PROZ: variants seen among roughly 807,000 people sequenced by gnomAD.
PROZ encodes vitamin K-dependent protein Z.
A neutral mutation model predicts 34.9 loss-of-function variants in PROZ; 46 were observed. The observed-to-expected ratio is 1.32, with a 90% CI of 1.04 to 1.69. The LOEUF is 1.69. Ranked by LOEUF, PROZ falls within the 40% of genes most tolerant of loss-of-function variation. PROZ has a pLI of 0.00. For synonymous variants in PROZ, 195 were observed against 208.5 expected, an observed-to-expected ratio of 0.94 and a Z score of 0.56; for missense variants, 530 against 520.4, an observed-to-expected ratio of 1.02 and a Z score of -0.18.
At chr13:113,165,259 C>A (rs905483927) in intron 6 of PROZ, 139 bp downstream of exon 6, 2 of 796,078 alleles carry the variant, frequency 2.5e-6, no homozygotes, top group East Asian at 2.7e-5. Context: ...TGACCAACCT[C>A]TATTCACACT....
In PROZ at chr13:113,159,631, G is replaced by A. The variant is rs1173544811; in HGVS notation, c.71-383G>A. ...ATCAAGATGTTAAATGCTGCGCACA[G>A]AGGCAGCACAGGAGCTGATGGCTCT... On this transcript the variant is annotated intron_variant, in intron 1 of 7. Transcript: ENST00000375547. The surrounding 1 kb of genome is among the most constrained non-coding windows in gnomAD (Gnocchi z 4.6). Among the ~76,000 whole-genome samples the A allele has an allele frequency of 6.6e-6, 1 of 152,232 alleles. No homozygotes were observed.
At chr13:113,163,943 A>G (rs1215355782) in intron 4 of PROZ, among the ~76,000 whole-genome samples, 1 of 150,972 alleles carries the variant, frequency 6.6e-6, no homozygotes, top group Non-Finnish European at 1.5e-5. Context: ...AAGGACAAAT[A>G]GAAGTGTCAT....
chr13:113,172,225 C>G lies in PROZ; in HGVS notation c.*120C>G. On this transcript the variant is annotated 3_prime_UTR_variant, in exon 8 of 8. Coordinates refer to ENST00000375547, the MANE Select transcript of PROZ (RefSeq NM_003891.3). The stretch of plus-strand genomic sequence containing the variant: ...CTGAGAGGCCGTCACAGCCCCAGAC[C>G]ACCCGCTTGGCCCACGCAGCAGCAG... 7.1e-7 allele frequency: 1 copy of G among 1,408,492 alleles called. No homozygotes were observed. The highest frequency in any genetic ancestry group is 2.5e-5 in the East Asian group (1 of 40,482). The allele number at this position is 1,408,492 out of a possible 1,614,324, so 87.2% of individuals were successfully genotyped here. A position where few individuals can be genotyped will look rare whatever the true frequency, so the allele number is the denominator to read the frequency against.
In PROZ at chr13:113,171,680, A is replaced by T; in HGVS notation, c.778A>T (p.Asn260Tyr). 6.2e-7 allele frequency: 1 copy of T among 1,613,952 alleles called. No individual in the cohort carries two copies. The highest frequency in any genetic ancestry group is 8.5e-7 in the Non-Finnish European group (1 of 1,179,994). The change falls in exon 8 of 8, where the codon AAT becomes TAT. Residue 260 changes from asparagine to tyrosine, a missense_variant. Coordinates refer to ENST00000375547, the MANE Select transcript of PROZ (RefSeq NM_003891.3). This position sits in a 1 kb window ranked among gnomAD's most constrained non-coding sequence, Gnocchi z 5.1. ...HMRYDADAGE[N>Y]DLSLLELEWP... ...GCGGTATGACGCGGACGCGGGGGAG[A>T]ATGACCTGTCACTGCTGGAGCTGGA...
intron 4 of PROZ, among the ~76,000 whole-genome samples, chr13:113,164,127 G>C (rs1483952423): frequency 6.6e-6 from 1 of 151,810 alleles, no homozygotes; most frequent in Non-Finnish European, 1.5e-5. Context: ...CTACAGGCAC[G>C]CGCCACCACG....
intron 2 of PROZ, among the ~76,000 whole-genome samples, chr13:113,160,660 G>T (rs895770332): frequency 6.6e-6 from 1 of 152,200 alleles, no homozygotes; most frequent in African/African-American, 2.4e-5. Context: ...GAAGGGCCAC[G>T]TTAGGGGCTG....
intron 6 of PROZ, among the ~76,000 whole-genome samples, chr13:113,167,628 ATCT>A (rs2036978710): frequency 1.3e-5 from 2 of 152,156 alleles, no homozygotes; most frequent in South Asian, 4.1e-4. Flanking sequence ...TCTTTTTCCA[ATCT>A]TCTACTTTTA....
At chr13:113,160,303 A>C in intron 2 of PROZ, 126 bp downstream of exon 2, 1 of 1,221,594 alleles carries the variant, frequency 8.2e-7, no homozygotes, top group South Asian at 1.2e-5. Context: ...AGGTTGACAC[A>C]ATCCCAGTTT....
At chr13:113,167,334 A>T (rs2036968438) in intron 6 of PROZ, among the ~76,000 whole-genome samples, 1 of 152,226 alleles carries the variant, frequency 6.6e-6, no homozygotes, top group South Asian at 2.1e-4. Flanking sequence ...GCTATTATTC[A>T]TAAACACATG....
Position 113,172,061 on chromosome 13 carries a change from A to G in PROZ, c.1159A>G (p.Lys387Glu), listed in dbSNP as rs979713183. 4 of 1,612,918 alleles carry G rather than the reference A, an allele frequency of 2.5e-6. No individual in the cohort carries two copies. The African/African-American group carries it at 4.0e-5, about 16-fold the overall frequency. Reference sequence around the variant, plus strand: ...GCAGGCTCACATGGTCCTTGTCACCAAGGTCTCCAGGTACTCACTCTGGTT... The same window carrying G: ...GCAGGCTCACATGGTCCTTGTCACCGAGGTCTCCAGGTACTCACTCTGGTT... ...GGQAHMVLVTKVSRYSLWFKQ... is the reference protein window; with the variant it reads ...GGQAHMVLVTEVSRYSLWFKQ... Residue 387 changes from lysine to glutamate, a missense_variant, in exon 8 of 8, where the codon AAG (lysine) becomes GAG (glutamate). Physicochemically the swap from Lys to Glu is moderately conservative, Grantham distance 56. Coordinates refer to ENST00000375547, the MANE Select transcript of PROZ (RefSeq NM_003891.3).
intron 6 of PROZ, among the ~76,000 whole-genome samples, chr13:113,167,189 G>A (rs1392494832): frequency 6.6e-6 from 1 of 152,102 alleles, no homozygotes; most frequent in Non-Finnish European, 1.5e-5. Context: ...TAAAAGTCTG[G>A]CAGACTGATG....
At position 113,171,807 on chromosome 13, in the gene PROZ, G is replaced by T; in HGVS notation, c.905G>T (p.Gly302Val). ...CCACGCACCAGGGGCCTCCTCAGCGGCTGGGCACGCAATGGCACTGACCTG... is the reference window on the plus strand; with the variant it reads ...CCACGCACCAGGGGCCTCCTCAGCGTCTGGGCACGCAATGGCACTGACCTG... ...LIPRTRGLLSGWARNGTDLGN... is the reference protein window; with the variant it reads ...LIPRTRGLLSVWARNGTDLGN... Residue 302 changes from glycine to valine, a missense_variant, in exon 8 of 8, where the codon GGC becomes GTC. By Grantham distance (109) the Gly-to-Val change is moderately radical (BLOSUM62 -3). Coordinates refer to ENST00000375547, the MANE Select transcript of PROZ (RefSeq NM_003891.3). This position sits in a 1 kb window ranked among gnomAD's most constrained non-coding sequence, Gnocchi z 5.1. 2 of 1,613,474 alleles carry T rather than the reference G, an allele frequency of 1.2e-6. No homozygotes were observed. The highest frequency in any genetic ancestry group is 1.1e-5 in the South Asian group (1 of 91,080).
At chr13:113,163,258 C>A in intron 4 of PROZ, 136 bp downstream of exon 4, 1 of 750,000 alleles carries the variant, frequency 1.3e-6, no homozygotes, top group Non-Finnish European at 2.3e-6. Context: ...TTGGCTCACC[C>A]CAGGGGATTC....
Position 113,163,088 on chromosome 13 carries a change from C to CT in PROZ, c.340dup (p.Ser114PhefsTer5), listed in dbSNP as rs1566927648. The CT allele has an allele frequency of 3.9e-6, 6 of 1,557,652 alleles. No individual in the cohort carries two copies. Among genetic ancestry groups the CT allele is most frequent in the Non-Finnish European group, 5.2e-6 (6 of 1,150,036 alleles). On this transcript the variant is annotated frameshift_variant, in exon 4 of 8. Transcript: ENST00000375547. LOFTEE classifies it high-confidence loss of function. ...GCATCTGGGGCTACACCTGCACCTG[C>CT]TCCCCCGGCTATGAGGGCAGCAACT...
chr13:113,161,838 ACGTCCCCC>A (rs1301810333), intron 3 of PROZ, among the ~76,000 whole-genome samples: 60 of 88,900 alleles, frequency 6.7e-4, no homozygotes, highest in South Asian at 2.2e-3. Context: ...CGTCCCTGCC[ACGTCCCCC>A]CATCCTCCTC....
At chr13:113,167,833 T>C (rs1320825712) in intron 6 of PROZ, among the ~76,000 whole-genome samples, 2 of 152,224 alleles carry the variant, frequency 1.3e-5, no homozygotes, top group African/African-American at 4.8e-5. Context: ...TTGCTATCTT[T>C]TATTTTTCTT....
At chr13:113,163,379 T>TCCC (rs879567218) in intron 4 of PROZ, among the ~76,000 whole-genome samples, 18 of 148,934 alleles carry the variant, frequency 1.2e-4, no homozygotes, top group African/African-American at 3.7e-4. Context: ...GCCCCTCTCC[T>TCCC]CCCCCCACCA....
chr13:113,172,243 A>G lies in PROZ; in HGVS notation c.*138A>G, dbSNP rs2037130738. 4.1e-6 allele frequency: 5 copies of G among 1,217,776 alleles called. No homozygotes were observed. In the South Asian group the frequency reaches 5.2e-5, roughly 13 times the overall value. 75.4% of individuals were successfully genotyped at this position (1,217,776 alleles called of 1,614,324 possible). ...CCCAGACCACCCGCTTGGCCCACGC[A>G]GCAGCAGAGCCGCCGTTTGCTGGGT... On this transcript the variant is annotated 3_prime_UTR_variant, in exon 8 of 8. Transcript: ENST00000375547.
chr13:113,164,321 G>A (rs1030594235), intron 4 of PROZ, among the ~76,000 whole-genome samples, 192 bp from the exon 5 acceptor site: 2 of 151,990 alleles, frequency 1.3e-5, no homozygotes, highest in East Asian at 1.9e-4. Flanking sequence ...CCTGAAATAC[G>A]GACATGTGGG....
Sources: allele counts gnomAD v4.1 joint callset (sites outside exome capture counted in the v4.1 genomes callset), GRCh38; gene constraint gnomAD v4.1.1; non-coding constraint Gnocchi (gnomAD v3.1); transcripts MANE v1.5; gene names NCBI Gene and HGNC (gene_info 2026-07-23, HGNC 2026-07-21).